Variants in FUCA2 observed in about 807,000 individuals in gnomAD.
FUCA2 encodes plasma alpha-L-fucosidase.
A neutral mutation model predicts 52.6 loss-of-function variants in FUCA2; 41 were observed. The observed-to-expected ratio is 0.78, with a 90% CI of 0.61 to 1.01. The LOEUF is 1.01. Ranked by LOEUF, FUCA2 falls within the 50% of genes least tolerant of loss-of-function variation. FUCA2 has a pLI of 0.00. For missense variants in FUCA2, 507 were observed against 569.5 expected, an observed-to-expected ratio of 0.89 and a Z score of 1.12; for synonymous variants, 211 against 217.3, an observed-to-expected ratio of 0.97 and a Z score of 0.26.
At position 143,502,616 on chromosome 6, in the gene FUCA2, CA is replaced by C. The variant is rs1554283345; in HGVS notation, c.753-52del. ...AAACAAAAGGTATAAGCTTTTTATACAAAAAGAAATGTCACTGAAAAGACAT... is the reference window on the plus strand; with the variant it reads ...AAACAAAAGGTATAAGCTTTTTATACAAAAGAAATGTCACTGAAAAGACAT... On this transcript the variant is annotated intron_variant, in intron 3 of 6. Transcript: ENST00000002165. The surrounding 1 kb of genome is among the most constrained non-coding windows in gnomAD (Gnocchi z 4.1). 6.9e-7 allele frequency: 1 copy of C among 1,451,452 alleles called. No homozygotes were observed. The highest frequency in any genetic ancestry group is 9.5e-7 in the Non-Finnish European group (1 of 1,050,564). 89.9% of individuals were successfully genotyped at this position (1,451,452 alleles called of 1,614,324 possible).
chr6:143,500,687 A>G lies in FUCA2; in HGVS notation c.1154+1245T>C, dbSNP rs1374134550. On this transcript the variant is annotated intron_variant, in intron 5 of 6. Transcript: ENST00000002165. This position sits in a 1 kb window ranked among gnomAD's most constrained non-coding sequence, Gnocchi z 6.9. ...GCAAAGGAACAGGTAACAAAGGTCA[A>G]GCGGACAAGACCCCTAGAAGACAGG... is the stretch of plus-strand genomic sequence containing the variant. Among the ~76,000 whole-genome samples the G allele has an allele frequency of 1.3e-5, 2 of 152,206 alleles. No individual in the cohort carries two copies. Among genetic ancestry groups the G allele is most frequent in the African/African-American group, 4.8e-5 (2 of 41,468 alleles).
In FUCA2 at chr6:143,497,821, T is replaced by A. The variant is rs1780479049; in HGVS notation, c.1155-324A>T. 6.6e-6 allele frequency among the ~76,000 whole-genome samples: 1 copy of A among 152,208 alleles called. No homozygotes were observed. Among genetic ancestry groups the A allele is most frequent in the African/African-American group, 2.4e-5 (1 of 41,460 alleles). ...CATGGCTTTTCATGTATTATTCAAA[T>A]TTTTATATTCATTCATTCATTCAAC... On this transcript the variant is annotated intron_variant, in intron 5 of 6. Coordinates refer to ENST00000002165, the MANE Select transcript of FUCA2 (RefSeq NM_032020.5). The surrounding 1 kb of genome is among the most constrained non-coding windows in gnomAD (Gnocchi z 5.3).
At position 143,511,696 on chromosome 6, in the gene FUCA2, C is replaced by G. The variant is rs568821426; in HGVS notation, c.-62G>C. The G allele has an allele frequency of 1.3e-3, 1,846 of 1,376,856 alleles. 14 individuals carry two copies. The African/African-American group carries it at 0.024, about 18-fold the overall frequency. 85.3% of individuals were successfully genotyped at this position (1,376,856 alleles called of 1,614,324 possible). ...CCGCGGCCTCGGGAGCGCTGTTCTT[C>G]CGTCTCTGCCGCTGAGTATGCCGCG... On this transcript the variant is annotated 5_prime_UTR_variant, in exon 1 of 7. Coordinates refer to ENST00000002165, the MANE Select transcript of FUCA2 (RefSeq NM_032020.5). The surrounding 1 kb of genome is among the most constrained non-coding windows in gnomAD (Gnocchi z 6.3).
At position 143,502,583 on chromosome 6, in the gene FUCA2, A is replaced by G. The variant is rs1175003046; in HGVS notation, c.753-18T>C. 1.3e-6 allele frequency: 2 copies of G among 1,595,162 alleles called. No individual in the cohort carries two copies. The highest frequency in any genetic ancestry group is 1.4e-5 in the African/African-American group (1 of 73,936). On this transcript the variant is annotated intron_variant, in intron 3 of 6. Transcript: ENST00000002165. This position sits in a 1 kb window ranked among gnomAD's most constrained non-coding sequence, Gnocchi z 4.1. The stretch of plus-strand genomic sequence containing the variant: ...GAACTGGGCTGAAATGAAACATACA[A>G]TTTTTTAAAACAAAAGGTATAAGCT...
Position 143,502,619 on chromosome 6 carries a change from A to G in FUCA2, c.753-54T>C. 1 of 1,432,634 alleles carries G rather than the reference A, an allele frequency of 7.0e-7. No homozygotes were observed. The highest frequency in any genetic ancestry group is 9.7e-7 in the Non-Finnish European group (1 of 1,033,228). The allele number at this position is 1,432,634 out of a possible 1,614,324, so 88.7% of individuals were successfully genotyped here. A position where few individuals can be genotyped will look rare whatever the true frequency, so the allele number is the denominator to read the frequency against. ...CAAAAGGTATAAGCTTTTTATACAA[A>G]AAGAAATGTCACTGAAAAGACATGT... On this transcript the variant is annotated intron_variant, in intron 3 of 6. Transcript: ENST00000002165. The surrounding 1 kb of genome is among the most constrained non-coding windows in gnomAD (Gnocchi z 4.1).
Position 143,501,481 on chromosome 6 carries a change from ACCCTCC to A in FUCA2, c.1154+445_1154+450del, listed in dbSNP as rs1780526577. 6.6e-6 allele frequency among the ~76,000 whole-genome samples: 1 copy of A among 152,074 alleles called. No individual in the cohort carries two copies. Among genetic ancestry groups the A allele is most frequent in the Non-Finnish European group, 1.5e-5 (1 of 68,010 alleles). On this transcript the variant is annotated intron_variant, in intron 5 of 6. Transcript: ENST00000002165. This position sits in a 1 kb window ranked among gnomAD's most constrained non-coding sequence, Gnocchi z 6.1. ...GCTCAGAGAGAAGCATCTTCCCTGA[ACCCTCC>A]CTATTTTGATTCATTTTTAATCTAA...
chr6:143,497,099 A>G lies in FUCA2; in HGVS notation c.1263+290T>C, dbSNP rs568547967. 3.4e-6 allele frequency: 1 copy of G among 297,306 alleles called. No individual in the cohort carries two copies. Among genetic ancestry groups the G allele is most frequent in the African/African-American group, 2.2e-5 (1 of 45,204 alleles). 18.4% of individuals were successfully genotyped at this position (297,306 alleles called of 1,614,324 possible). A position where few individuals can be genotyped will look rare whatever the true frequency, so the allele number is the denominator to read the frequency against. ...CTCAGCCTCCTGAGTAACTAGGACTACAGGTGCGTGCCACCATGCTCAGCT... is the reference window on the plus strand; with the variant it reads ...CTCAGCCTCCTGAGTAACTAGGACTGCAGGTGCGTGCCACCATGCTCAGCT... On this transcript the variant is annotated intron_variant, in intron 6 of 6. Transcript: ENST00000002165. This position sits in a 1 kb window ranked among gnomAD's most constrained non-coding sequence, Gnocchi z 5.3.
chr6:143,502,516 T>C lies in FUCA2; in HGVS notation c.802A>G (p.Ile268Val), dbSNP rs1780543231. ...VTNDRWGAGS[I>V]CKHGGFYTCS... The stretch of plus-strand genomic sequence containing the variant: ...GTATAGAAGCCACCATGCTTACAGA[T>C]GCTACCAGCTCCCCAACGATCATTG... The change falls in exon 4 of 7, where the codon ATC becomes GTC. Residue 268 changes from isoleucine to valine, a missense_variant. Physicochemically the swap from Ile to Val is conservative, Grantham distance 29 (BLOSUM62 3). Transcript: ENST00000002165. The surrounding 1 kb of genome is among the most constrained non-coding windows in gnomAD (Gnocchi z 4.1). The C allele has an allele frequency of 1.2e-6, 2 of 1,614,034 alleles. No individual in the cohort carries two copies. Among genetic ancestry groups the C allele is most frequent in the Admixed American group, 3.3e-5 (2 of 59,992 alleles).
chr6:143,506,639 G>A (rs1319020074), intron 2 of FUCA2: 1 of 152,100 alleles, frequency 6.6e-6, no homozygotes, highest in African/African-American at 2.4e-5. Context: ...TATTAAAATA[G>A]AATGGATTTT....
Position 143,499,203 on chromosome 6 carries a change from T to C in FUCA2, c.1155-1706A>G, listed in dbSNP as rs558508893. Among the ~76,000 whole-genome samples the C allele has an allele frequency of 1.3e-5, 2 of 152,082 alleles. No individual in the cohort carries two copies. The highest frequency in any genetic ancestry group is 1.5e-5 in the Non-Finnish European group (1 of 68,022). On this transcript the variant is annotated intron_variant, in intron 5 of 6. Coordinates refer to ENST00000002165, the MANE Select transcript of FUCA2 (RefSeq NM_032020.5). The surrounding 1 kb of genome is among the most constrained non-coding windows in gnomAD (Gnocchi z 6.0). Reference sequence around the variant, plus strand: ...TTCGGAAAGAGGTCTGCACTGGAAATAGAAATGTGGAGATCATCAATATGG... The same window carrying C: ...TTCGGAAAGAGGTCTGCACTGGAAACAGAAATGTGGAGATCATCAATATGG...
intron 6 of FUCA2, chr6:143,496,306 A>G (rs1409348654): frequency 2.6e-5 from 4 of 152,902 alleles, no homozygotes; most frequent in African/African-American, 7.2e-5. Context: ...GCAAATTCAA[A>G]TAAGTTCCCT....
chr6:143,505,374 G>C (rs1780589531), intron 2 of FUCA2: 1 of 143,438 alleles, frequency 7.0e-6, no homozygotes, highest in Non-Finnish European at 1.5e-5. Context: ...GAGTTCAGTG[G>C]TGCGAACTTC....
Position 143,497,781 on chromosome 6 carries a change from A to C in FUCA2, c.1155-284T>G, listed in dbSNP as rs1405061327. On this transcript the variant is annotated intron_variant, in intron 5 of 6. Transcript: ENST00000002165. The surrounding 1 kb of genome is among the most constrained non-coding windows in gnomAD (Gnocchi z 5.3). The stretch of plus-strand genomic sequence containing the variant: ...GGGGAGGGAGATGATCTAAGGGGAC[A>C]GGATGCAAGAGCTTCATGGCTTTTC... 6.6e-6 allele frequency among the ~76,000 whole-genome samples: 1 copy of C among 152,248 alleles called. No homozygotes were observed. Among genetic ancestry groups the C allele is most frequent in the Non-Finnish European group, 1.5e-5 (1 of 68,046 alleles).
In FUCA2 at chr6:143,511,563, C is replaced by G; in HGVS notation, c.72G>C (p.Pro24=). The G allele has an allele frequency of 6.4e-7, 1 of 1,567,660 alleles. No homozygotes were observed. The highest frequency in any genetic ancestry group is 1.4e-5 in the African/African-American group (1 of 73,658). Residue 24 remains proline (P), a synonymous_variant, in exon 1 of 7, where the codon CCG becomes CCC. Coordinates refer to ENST00000002165, the MANE Select transcript of FUCA2 (RefSeq NM_032020.5). This position sits in a 1 kb window ranked among gnomAD's most constrained non-coding sequence, Gnocchi z 6.3. The part of the protein sequence containing the change: ...LLLLLLLLPP[P]PCPAHSATRF... ...GCGTGGCGCTGTGGGCAGGGCACGG[C>G]GGCGGCGGCAGCAGCAGCAACAGCA...
chr6:143,506,213 T>C (rs969132618), intron 2 of FUCA2: 3 of 106,884 alleles, frequency 2.8e-5, no homozygotes, highest in Non-Finnish European at 5.6e-5. Flanking sequence ...TTTTTTTTTT[T>C]GAGACAGGAT....
chr6:143,507,074 A>G lies in FUCA2; in HGVS notation c.412+163T>C, dbSNP rs567023192. ...CTTTCTGTATTCCTAACATCTCTCA[A>G]TTTGGGTTGAATGTGCAGTCCCTAA... On this transcript the variant is annotated intron_variant, in intron 2 of 6. Transcript: ENST00000002165. The surrounding 1 kb of genome is among the most constrained non-coding windows in gnomAD (Gnocchi z 4.5). 1.3e-4 allele frequency: 72 copies of G among 569,632 alleles called. No individual in the cohort carries two copies. Among genetic ancestry groups the G allele is most frequent in the Non-Finnish European group, 2.0e-4 (66 of 335,064 alleles). 35.3% of individuals were successfully genotyped at this position (569,632 alleles called of 1,614,324 possible). A position where few individuals can be genotyped will look rare whatever the true frequency, so the allele number is the denominator to read the frequency against.
rs1277543054 is a variant in FUCA2 at position 143,510,507 on chromosome 6, C to T, written c.224+904G>A. On this transcript the variant is annotated intron_variant, in intron 1 of 6. Coordinates refer to ENST00000002165, the MANE Select transcript of FUCA2 (RefSeq NM_032020.5). The surrounding 1 kb of genome is among the most constrained non-coding windows in gnomAD (Gnocchi z 4.4). Reference sequence around the variant, plus strand: ...CAAAAAAATTGGCCAGGCATGGTGGCGTGCGCCTGTAGTCCCAGCTACTCA... The same window carrying T: ...CAAAAAAATTGGCCAGGCATGGTGGTGTGCGCCTGTAGTCCCAGCTACTCA... 6.6e-6 allele frequency among the ~76,000 whole-genome samples: 1 copy of T among 151,906 alleles called. No individual in the cohort carries two copies.
At position 143,499,302 on chromosome 6, in the gene FUCA2, C is replaced by A. The variant is rs756634303; in HGVS notation, c.1155-1805G>T. On this transcript the variant is annotated intron_variant, in intron 5 of 6. Coordinates refer to ENST00000002165, the MANE Select transcript of FUCA2 (RefSeq NM_032020.5). This position sits in a 1 kb window ranked among gnomAD's most constrained non-coding sequence, Gnocchi z 6.0. The stretch of plus-strand genomic sequence containing the variant: ...ACGCAGTGGCTCACGCCTGTAATCC[C>A]AGCACTTTGGGAGGCCAAGGCAAGC... Among the ~76,000 whole-genome samples the A allele has an allele frequency of 1.3e-5, 2 of 152,174 alleles. No homozygotes were observed. The highest frequency in any genetic ancestry group is 2.9e-5 in the Non-Finnish European group (2 of 68,036).
rs1485776066 is a variant in FUCA2, at chr6:143,502,756, C to T, written c.753-191G>A. ...GAGTTCTGGCTTTGTCACTTTCTAG[C>T]TCCCAGACCTAGAGCAAATTACCTG... is the stretch of plus-strand genomic sequence containing the variant. On this transcript the variant is annotated intron_variant, in intron 3 of 6. Coordinates refer to ENST00000002165, the MANE Select transcript of FUCA2 (RefSeq NM_032020.5). The surrounding 1 kb of genome is among the most constrained non-coding windows in gnomAD (Gnocchi z 4.1). Among the ~76,000 whole-genome samples the T allele has an allele frequency of 2.0e-5, 3 of 152,180 alleles. No homozygotes were observed. Among genetic ancestry groups the T allele is most frequent in the Non-Finnish European group, 4.4e-5 (3 of 68,026 alleles).
Sources: gnomAD v4.1 joint callset for allele counts (sites outside exome capture counted in the v4.1 genomes callset) on GRCh38, gnomAD v4.1.1 for gene constraint, Gnocchi (gnomAD v3.1) non-coding constraint, MANE v1.5 for transcripts, NCBI Gene and HGNC (gene_info 2026-07-23, HGNC 2026-07-21) for gene names.